The following BCL7C variants were observed in gnomAD, a reference collection of about 807,000 sequenced individuals.
BCL7C encodes the protein BAF chromatin remodeling complex subunit BCL7C.
A neutral mutation model predicts 26.2 loss-of-function variants in BCL7C; 8 were observed. The observed-to-expected ratio is 0.30, with a 90% CI of 0.18 to 0.55. The LOEUF is 0.55. Ranked by LOEUF, BCL7C falls within the 20% of genes least tolerant of loss-of-function variation. The pLI, the probability that BCL7C is intolerant of heterozygous loss-of-function variation, is 0.93. For synonymous variants in BCL7C, 90 were observed against 116.5 expected, an observed-to-expected ratio of 0.77 and a Z score of 1.47; for missense variants, 262 against 298.5, an observed-to-expected ratio of 0.88 and a Z score of 0.90.
chr16:30,844,153 C>A (rs2054619619), intron 5 of BCL7C, among the ~76,000 whole-genome samples: 1 of 150,228 alleles, frequency 6.7e-6, no homozygotes, highest in African/African-American at 2.4e-5. Context: ...AGATCAAGAC[C>A]ATCCTGGCCA....
In BCL7C at chr16:30,857,163, C is replaced by T. The variant is rs190329815; in HGVS notation, c.529-22015G>A. On this transcript the variant is annotated intron_variant, in intron 5 of 5. Transcript: ENST00000380317. Reference sequence around the variant, plus strand: ...CAGCACTTTGGGAGGCCGAGGCGGGCAGATCACATGAGGTCAGGAGTTCAA... The same window carrying T: ...CAGCACTTTGGGAGGCCGAGGCGGGTAGATCACATGAGGTCAGGAGTTCAA... Among the ~76,000 whole-genome samples, 62 of 151,336 alleles carry T rather than the reference C, an allele frequency of 4.1e-4. No homozygotes were observed. The East Asian group carries it at 0.011, about 26-fold the overall frequency.
At chr16:30,884,844 A>C (rs1391441702), downstream of BCL7C, among the ~76,000 whole-genome samples, 2 of 152,190 alleles carry the variant, frequency 1.3e-5, no homozygotes, top group African/African-American at 4.8e-5. Context: ...AGAAAGGTTC[A>C]GTCACTTGCT....
At chr16:30,839,676 T>C (rs918958375) in intron 5 of BCL7C, among the ~76,000 whole-genome samples, 3 of 152,194 alleles carry the variant, frequency 2.0e-5, no homozygotes, top group Non-Finnish European at 4.4e-5. Flanking sequence ...GAGCTGACTT[T>C]GGCTAACAAC....
chr16:30,888,735 G>A, intron 5 of BCL7C, 125 bp downstream of exon 5: 1 of 810,200 alleles, frequency 1.2e-6, no homozygotes, highest in South Asian at 1.7e-5. Context: ...CAGCCCCTAA[G>A]CCTTCAGCTC....
intron 5 of BCL7C, among the ~76,000 whole-genome samples, chr16:30,844,562 G>C (rs1031832246): frequency 1.3e-5 from 2 of 152,064 alleles, no homozygotes; most frequent in Non-Finnish European, 2.9e-5. Flanking sequence ...CATGTGATAG[G>C]TGTCATCACC....
intron 5 of BCL7C, among the ~76,000 whole-genome samples, chr16:30,867,750 G>A (rs537275537): frequency 3.9e-5 from 6 of 152,122 alleles, no homozygotes; most frequent in South Asian, 2.1e-4. Flanking sequence ...CCAAGATCGC[G>A]CCACTGCACT....
chr16:30,859,076 G>C (rs2054748579), intron 5 of BCL7C, among the ~76,000 whole-genome samples: 1 of 152,180 alleles, frequency 6.6e-6, no homozygotes, highest in South Asian at 2.1e-4. Context: ...CAAGGCAAAA[G>C]AAAGACATTT....
At chr16:30,835,061 G>A in exon 6 of BCL7C, 1 of 1,548,808 alleles carries the variant, frequency 6.5e-7, no homozygotes, top group Non-Finnish European at 8.7e-7. Context: ...TTTGTCCGGA[G>A]GCCCCTCCTG....
At chr16:30,883,658 AGGCATGCACCACCAT>A (rs1269733892), downstream of BCL7C, among the ~76,000 whole-genome samples, 4 of 141,826 alleles carry the variant, frequency 2.8e-5, no homozygotes, top group African/African-American at 5.2e-5. Context: ...CTGGGACTAC[AGGCATGCACCACCAT>A]GGCTGGCTAA....
chr16:30,885,132 G>A (rs1011921005), downstream of BCL7C, among the ~76,000 whole-genome samples: 1 of 152,200 alleles, frequency 6.6e-6, no homozygotes, highest in Non-Finnish European at 1.5e-5. Flanking sequence ...CAGGTGTGAT[G>A]AAACTAAGGA....
At chr16:30,857,972 C>CAA (rs58563705) in intron 5 of BCL7C, among the ~76,000 whole-genome samples, 4 of 116,004 alleles carry the variant, frequency 3.4e-5, no homozygotes, top group East Asian at 2.5e-4. Flanking sequence ...ACTCCAACTC[C>CAA]AAAAAAAAAA....
chr16:30,847,880 C>T (rs371747187), intron 5 of BCL7C, among the ~76,000 whole-genome samples: 8 of 151,842 alleles, frequency 5.3e-5, no homozygotes, highest in East Asian at 3.9e-4. Context: ...GAAAATGACC[C>T]AGCTTACACA....
intron 5 of BCL7C, chr16:30,875,612 G>A (rs930472651): frequency 2.0e-5 from 3 of 152,214 alleles, no homozygotes; most frequent in African/African-American, 7.2e-5. Flanking sequence ...ACCTACCCGT[G>A]CCCTCACCAG....
intron 5 of BCL7C, among the ~76,000 whole-genome samples, chr16:30,877,403 G>A (rs1029357914): frequency 6.6e-6 from 1 of 152,002 alleles, no homozygotes; most frequent in African/African-American, 2.4e-5. Context: ...CAAAGTGCTG[G>A]GGTTACAGTG....
At chr16:30,851,522 G>C (rs570196518) in intron 5 of BCL7C, 1 of 265,072 alleles carries the variant, frequency 3.8e-6, no homozygotes, top group Non-Finnish European at 7.2e-6. Flanking sequence ...TTACAGGCGT[G>C]AGCCACCGCA....
intron 5 of BCL7C, among the ~76,000 whole-genome samples, chr16:30,865,735 T>C (rs1235294175): frequency 2.1e-5 from 3 of 145,658 alleles, no homozygotes; most frequent in East Asian, 2.0e-4. Flanking sequence ...TTCTTTTTTT[T>C]TTTTTTTTTG....
At chr16:30,861,188 G>C (rs554484273) in intron 5 of BCL7C, among the ~76,000 whole-genome samples, 86 of 152,192 alleles carry the variant, frequency 5.7e-4, no homozygotes, top group Non-Finnish European at 1.1e-3. Context: ...CTCGACATTA[G>C]AAAAAGCTCC....
At chr16:30,863,648 C>T (rs939261498) in intron 5 of BCL7C, among the ~76,000 whole-genome samples, 17 of 152,112 alleles carry the variant, frequency 1.1e-4, no homozygotes, top group East Asian at 3.9e-4. Context: ...TCCTTCTCAT[C>T]GGTCACGCCC....
Position 30,893,560 on chromosome 16 carries a change from C to G in BCL7C, c.93-270G>C, listed in dbSNP as rs1254702001. Among the ~76,000 whole-genome samples, 1 of 151,986 alleles carries G rather than the reference C, an allele frequency of 6.6e-6. No individual in the cohort carries two copies. The highest frequency in any genetic ancestry group is 1.5e-5 in the Non-Finnish European group (1 of 67,962). On this transcript the variant is annotated intron_variant, in intron 1 of 5. Transcript: ENST00000215115. The surrounding 1 kb of genome is among the most constrained non-coding windows in gnomAD (Gnocchi z 5.2). ...GGGGGGCGTGGCTATGGGCCTGGCCCGGGATCAGAGCCCTGCAGATCCTGG... is the reference window on the plus strand; with the variant it reads ...GGGGGGCGTGGCTATGGGCCTGGCCGGGGATCAGAGCCCTGCAGATCCTGG...
Sources: allele counts gnomAD v4.1 joint callset (sites outside exome capture counted in the v4.1 genomes callset), GRCh38; gene constraint gnomAD v4.1.1; non-coding constraint Gnocchi (gnomAD v3.1); transcripts MANE v1.5; gene names NCBI Gene and HGNC (gene_info 2026-07-23, HGNC 2026-07-21).